The following B4GALT1 variants were observed in gnomAD, a reference collection of about 807,000 sequenced individuals.
B4GALT1 encodes beta-1,4-galactosyltransferase 1.
In B4GALT1, 16 loss-of-function variants were observed where a neutral mutation model predicts 34.9. The observed-to-expected ratio is 0.46, with a 90% confidence interval of 0.31 to 0.70. The LOEUF (loss-of-function observed/expected upper bound fraction) is 0.70. Among genes scored for constraint, B4GALT1 ranks in the 30% least tolerant of loss-of-function variants. B4GALT1 has a pLI of 0.05. For synonymous variants in B4GALT1, 221 were observed against 218.1 expected, an observed-to-expected ratio of 1.01 and a Z score of -0.12; for missense variants, 445 against 530.5, an observed-to-expected ratio of 0.84 and a Z score of 1.58.
At chr9:33,149,888 A>G (rs955369784) in intron 1 of B4GALT1, among the ~76,000 whole-genome samples, 2 of 152,152 alleles carry the variant, frequency 1.3e-5, no homozygotes, top group South Asian at 2.1e-4. Context: ...CTTGGGAATT[A>G]TTTCAGATTA....
upstream of B4GALT1, among the ~76,000 whole-genome samples, chr9:33,169,816 C>T (rs1198213119): frequency 1.3e-5 from 2 of 151,950 alleles, no homozygotes; most frequent in Non-Finnish European, 2.9e-5. Context: ...CCACCGCGCC[C>T]GGCCTTAACC....
chr9:33,139,935 A>C (rs1301985739), intron 1 of B4GALT1, among the ~76,000 whole-genome samples: 3 of 152,242 alleles, frequency 2.0e-5, no homozygotes, highest in Non-Finnish European at 4.4e-5. Context: ...GCAGATGAGC[A>C]GATGTAAGCT....
Position 33,111,257 on chromosome 9 carries a change from A to C in B4GALT1, c.*2197T>G, listed in dbSNP as rs1413338805. 4 of 145,734 alleles carry C rather than the reference A, an allele frequency of 2.7e-5. No individual in the cohort carries two copies. Among genetic ancestry groups the C allele is most frequent in the Non-Finnish European group, 6.0e-5 (4 of 66,484 alleles). The allele number at this position is 145,734 out of a possible 1,614,324, so 9.0% of individuals were successfully genotyped here. A position where few individuals can be genotyped will look rare whatever the true frequency, so the allele number is the denominator to read the frequency against. On this transcript the variant is annotated 3_prime_UTR_variant, in exon 6 of 6. Transcript: ENST00000379731. The stretch of plus-strand genomic sequence containing the variant: ...CATGAATGAGAAGGTAACCAAAAAA[A>C]AAAAAAAAAAAAAAAAAAAAACAAC...
chr9:33,118,951 T>C (rs1839981360), intron 3 of B4GALT1, among the ~76,000 whole-genome samples: 2 of 151,914 alleles, frequency 1.3e-5, no homozygotes, highest in African/African-American at 2.4e-5. Context: ...AACCTCTGCC[T>C]CCCGGGTTCA....
chr9:33,174,403 C>G, the B4GALT1 span: 1 of 152,068 alleles, frequency 6.6e-6, no homozygotes, highest in Admixed American at 6.5e-5. Context: ...AATCCTAGCA[C>G]TTTGGGAGGC....
chr9:33,124,552 C>A (rs1840066004), intron 2 of B4GALT1, among the ~76,000 whole-genome samples: 1 of 152,268 alleles, frequency 6.6e-6, no homozygotes, highest in East Asian at 1.9e-4. Flanking sequence ...ATTAAGAAGA[C>A]CCAGCCCGGG....
chr9:33,106,754 C>G (rs1839799578), downstream of B4GALT1, among the ~76,000 whole-genome samples: 1 of 152,178 alleles, frequency 6.6e-6, no homozygotes, highest in Non-Finnish European at 1.5e-5. Context: ...GGACTTCCCT[C>G]AAGAAGACAG....
chr9:33,152,521 GAAAAAGGGTAAAAAAAAATGGGCCAA>G (rs1331068803), intron 1 of B4GALT1, among the ~76,000 whole-genome samples: 1 of 89,262 alleles, frequency 1.1e-5, no homozygotes, highest in Non-Finnish European at 2.4e-5. Context: ...TGGGTTAAAA[GAAAAAGGGTAAAAAAAAATGGGCCAA>G]AAAAAGGGTA....
chr9:33,179,044 G>C, the B4GALT1 span: 2 of 152,178 alleles, frequency 1.3e-5, no homozygotes, highest in African/African-American at 4.8e-5. Flanking sequence ...TGAACAAAAA[G>C]CCCCAATATC....
intron 2 of B4GALT1, 140 bp downstream of exon 2, chr9:33,135,049 G>A (rs1265295447): frequency 2.4e-6 from 2 of 847,894 alleles, no homozygotes; most frequent in Non-Finnish European, 3.9e-6. Flanking sequence ...TGCACTGGTG[G>A]TGGCTGGGGG....
At chr9:33,135,889 A>AG (rs1564044777) in intron 1 of B4GALT1, among the ~76,000 whole-genome samples, 1 of 94,456 alleles carries the variant, frequency 1.1e-5, no homozygotes, top group Non-Finnish European at 2.4e-5. Flanking sequence ...CTAACTGGGG[A>AG]AGTGTGTGTG....
At chr9:33,174,981 A>ATAT in the B4GALT1 span, among the ~76,000 whole-genome samples, 1 of 41,446 alleles carries the variant, frequency 2.4e-5, no homozygotes, top group Non-Finnish European at 5.3e-5. Context: ...AAAAAAAAAA[A>ATAT]AAAAAAAAAA....
At chr9:33,145,993 C>G (rs530646886) in intron 1 of B4GALT1, among the ~76,000 whole-genome samples, 1 of 152,326 alleles carries the variant, frequency 6.6e-6, no homozygotes, top group African/African-American at 2.4e-5. Context: ...ATGGGGAAAC[C>G]TCTGGGAGAC....
intron 1 of B4GALT1, 134 bp downstream of exon 1, chr9:33,166,624 G>A (rs1330931854): frequency 2.7e-6 from 3 of 1,118,092 alleles, no homozygotes; most frequent in Non-Finnish European, 2.4e-6. Flanking sequence ...CTCTGTCTGG[G>A]ATTTAAAACT....
intron 1 of B4GALT1, among the ~76,000 whole-genome samples, chr9:33,154,196 G>C (rs1048148254): frequency 7.9e-5 from 12 of 152,138 alleles, no homozygotes; most frequent in Non-Finnish European, 1.5e-5. Context: ...ATTAATATCT[G>C]AAAAATCAAT....
At chr9:33,145,464 C>T (rs2118215385) in intron 1 of B4GALT1, among the ~76,000 whole-genome samples, 1 of 152,266 alleles carries the variant, frequency 6.6e-6, no homozygotes, top group Non-Finnish European at 1.5e-5. Flanking sequence ...ATGCTCTCGC[C>T]AAGGGTATCA....
intron 1 of B4GALT1, among the ~76,000 whole-genome samples, chr9:33,152,182 T>C (rs890958236): frequency 6.6e-6 from 1 of 151,962 alleles, no homozygotes; most frequent in African/African-American, 2.4e-5. Flanking sequence ...CGGGTGCCTG[T>C]AATCACAGCT....
At position 33,113,328 on chromosome 9, in the gene B4GALT1, A is replaced by G; in HGVS notation, c.*126T>C. 1 of 1,424,856 alleles carries G rather than the reference A, an allele frequency of 7.0e-7. No individual in the cohort carries two copies. The highest frequency in any genetic ancestry group is 9.9e-7 in the Non-Finnish European group (1 of 1,011,502). The allele number at this position is 1,424,856 out of a possible 1,614,324, so 88.3% of individuals were successfully genotyped here. On this transcript the variant is annotated 3_prime_UTR_variant, in exon 6 of 6. Coordinates refer to ENST00000379731, the MANE Select transcript of B4GALT1 (RefSeq NM_001497.4). The stretch of plus-strand genomic sequence containing the variant: ...CCTGGTCATCTGGAAAGCCATCTGA[A>G]TGATGAGCGAAGGGGACCTGTCACT...
rs369880349 is a variant in B4GALT1 at position 33,116,011 on chromosome 9, T to C, written c.939A>G (p.Glu313=). 26 of 1,612,336 alleles carry C rather than the reference T, an allele frequency of 1.6e-5. No homozygotes were observed. The highest frequency in any genetic ancestry group is 2.1e-5 in the Non-Finnish European group (25 of 1,178,810). The change falls in exon 4 of 6, where the codon GAA becomes GAG. Residue 313 remains glutamate, a synonymous_variant. Coordinates refer to ENST00000379731, the MANE Select transcript of B4GALT1 (RefSeq NM_001497.4). ...ATTACCTGTTAAAAATGTCATCATC[T>C]TCTCCTCCCCAGCCCCAATAATTAT... ...FPNNYWGWGG[E]DDDIFNRLVF...
Sources: allele counts gnomAD v4.1 joint callset (sites outside exome capture counted in the v4.1 genomes callset), GRCh38; gene constraint gnomAD v4.1.1; transcripts MANE v1.5; gene names NCBI Gene and HGNC (gene_info 2026-07-23, HGNC 2026-07-21).